Variants in ATRNL1 observed in about 807,000 individuals in gnomAD.
The protein encoded by ATRNL1 is attractin-like protein 1.
In ATRNL1, 95 loss-of-function variants were observed where a neutral mutation model predicts 182.7. The ratio of observed to expected loss-of-function variants is 0.52; its 90% CI spans 0.44 to 0.62. ATRNL1 has a LOEUF of 0.62. ATRNL1 is among the 20% of genes least tolerant of loss of function. The pLI is 0.00. For synonymous variants in ATRNL1, 576 were observed against 568.3 expected (o/e 1.01, Z -0.19); for missense variants, 1,471 against 1,679.5 (o/e 0.88, Z 2.17).
intron 27 of ATRNL1, among the ~76,000 whole-genome samples, chr10:115,816,919 A>G (rs562720990): frequency 6.6e-6 from 1 of 152,106 alleles, no homozygotes; most frequent in African/African-American, 2.4e-5. Context: ...TATTTACCAA[A>G]CCTTATTTTT....
chr10:115,711,163 G>C (rs904145690), intron 26 of ATRNL1, among the ~76,000 whole-genome samples: 4 of 152,056 alleles, frequency 2.6e-5, no homozygotes, highest in Non-Finnish European at 4.4e-5. Context: ...ATTGATAAAA[G>C]TCATGCTGCA....
chr10:115,267,032 G>A, intron 12 of ATRNL1, 27 bp downstream of exon 12: 1 of 1,496,898 alleles, frequency 6.7e-7, no homozygotes, highest in South Asian at 1.2e-5. Context: ...TTTCGTCTTT[G>A]TGGCAGCAAA....
intron 26 of ATRNL1, among the ~76,000 whole-genome samples, chr10:115,594,528 A>G (rs1275257415): frequency 6.6e-6 from 1 of 152,106 alleles, no homozygotes; most frequent in African/African-American, 2.4e-5. Flanking sequence ...TTGTTTTGAG[A>G]CTGTGTCTCA....
At chr10:115,821,178 G>A (rs1950287411) in intron 27 of ATRNL1, among the ~76,000 whole-genome samples, 1 of 152,118 alleles carries the variant, frequency 6.6e-6, no homozygotes. Context: ...TATCTTTATA[G>A]CAGTGTGTGA....
rs189502339 is a variant in ATRNL1, at chr10:115,338,969, T to C, written c.3175+4550T>C. Among the ~76,000 whole-genome samples, 6 of 152,352 alleles carry C rather than the reference T, an allele frequency of 3.9e-5. No homozygotes were observed. In the East Asian group the frequency reaches 9.6e-4, roughly 24 times the overall value. On this transcript the variant is annotated intron_variant, in intron 19 of 28. Transcript: ENST00000355044. ...CTCCAGTTTTCCCAGCACCATTTAT[T>C]GAAGAATCTGTCTTTTCCCCAGTAT...
At chr10:115,632,452 A>G (rs548549266) in intron 26 of ATRNL1, among the ~76,000 whole-genome samples, 2 of 152,308 alleles carry the variant, frequency 1.3e-5, no homozygotes, top group Admixed American at 1.3e-4. Context: ...TAACAGTAAT[A>G]ATAGGGATAA....
chr10:115,582,180 T>C (rs1394253962), intron 26 of ATRNL1, among the ~76,000 whole-genome samples: 1 of 150,814 alleles, frequency 6.6e-6, no homozygotes, highest in African/African-American at 2.4e-5. Flanking sequence ...GTCTTTGCTA[T>C]TGTAAATAGT....
At chr10:115,536,998 A>T (rs782633002) in intron 25 of ATRNL1, among the ~76,000 whole-genome samples, 2 of 152,170 alleles carry the variant, frequency 1.3e-5, no homozygotes, top group Non-Finnish European at 2.9e-5. Flanking sequence ...ATGATGATGG[A>T]TATGGTAATG....
chr10:115,622,988 G>T (rs1857869997), intron 26 of ATRNL1, among the ~76,000 whole-genome samples: 1 of 152,072 alleles, frequency 6.6e-6, no homozygotes, highest in East Asian at 1.9e-4. Flanking sequence ...CTAACAGGTT[G>T]TCTTTATCAC....
chr10:115,646,164 C>A (rs563062544), intron 26 of ATRNL1, among the ~76,000 whole-genome samples: 3 of 151,558 alleles, frequency 2.0e-5, no homozygotes, highest in African/African-American at 7.3e-5. Flanking sequence ...TAAAATTATA[C>A]TGATTTTTTA....
At chr10:115,715,807 A>G (rs1197916604) in intron 26 of ATRNL1, among the ~76,000 whole-genome samples, 1 of 152,206 alleles carries the variant, frequency 6.6e-6, no homozygotes, top group Non-Finnish European at 1.5e-5. Context: ...AGTTCACGTC[A>G]AGGTATTCAA....
At chr10:115,657,737 A>G (rs1555036430) in intron 26 of ATRNL1, among the ~76,000 whole-genome samples, 1 of 152,120 alleles carries the variant, frequency 6.6e-6, no homozygotes, top group African/African-American at 2.4e-5. Context: ...AGAAATTTCC[A>G]TTACATCCCT....
At chr10:115,326,816 A>G (rs1854915082) in intron 18 of ATRNL1, among the ~76,000 whole-genome samples, 1 of 152,082 alleles carries the variant, frequency 6.6e-6, no homozygotes, top group Admixed American at 6.6e-5. Context: ...CAAACCTGAG[A>G]AAAACAAGCA....
chr10:115,285,616 T>G (rs1852572948), intron 14 of ATRNL1, among the ~76,000 whole-genome samples: 1 of 152,068 alleles, frequency 6.6e-6, no homozygotes, highest in African/African-American at 2.4e-5. Flanking sequence ...ACAGTATGTT[T>G]CATTTTTAGA....
chr10:115,380,633 G>A (rs1554950812), intron 19 of ATRNL1, among the ~76,000 whole-genome samples: 3 of 152,106 alleles, frequency 2.0e-5, no homozygotes, highest in Non-Finnish European at 4.4e-5. Context: ...TATCAAATAT[G>A]TGATCTTTCA....
chr10:115,299,084 T>G (rs563411584), intron 15 of ATRNL1, among the ~76,000 whole-genome samples: 43 of 151,844 alleles, frequency 2.8e-4, no homozygotes, highest in African/African-American at 1.0e-3. Context: ...CTCCATAATG[T>G]TTAAAAAAAA....
At chr10:115,870,028 G>A (rs997134450) in intron 28 of ATRNL1, among the ~76,000 whole-genome samples, 6 of 114,968 alleles carry the variant, frequency 5.2e-5, no homozygotes, top group Non-Finnish European at 8.4e-5. Flanking sequence ...AGATTTCTGG[G>A]TAAAACTTTT....
rs551837868 is a variant in ATRNL1 at position 115,117,452 on chromosome 10, T to C, written c.294-2733T>C. 1.2e-4 allele frequency among the ~76,000 whole-genome samples: 19 copies of C among 152,256 alleles called. 1 individual carries two copies. The South Asian group carries it at 1.9e-3, about 15-fold the overall frequency. On this transcript the variant is annotated intron_variant, in intron 1 of 28. Transcript: ENST00000355044. ...GATCCCACAAATCAGTGAGAACATATAATGTTTATCTTTCTGTGCCTGGCT... is the reference window on the plus strand; with the variant it reads ...GATCCCACAAATCAGTGAGAACATACAATGTTTATCTTTCTGTGCCTGGCT...
At chr10:115,763,309 T>A (rs1948778332) in intron 27 of ATRNL1, among the ~76,000 whole-genome samples, 1 of 152,166 alleles carries the variant, frequency 6.6e-6, no homozygotes, top group South Asian at 2.1e-4. Flanking sequence ...TCACATAATC[T>A]ACTAAGGGAG....
Sources: gnomAD v4.1 joint callset for allele counts (sites outside exome capture counted in the v4.1 genomes callset) on GRCh38, gnomAD v4.1.1 for gene constraint, MANE v1.5 for transcripts, NCBI Gene and HGNC (gene_info 2026-07-23, HGNC 2026-07-21) for gene names.